The following PRRT1B variants were observed in gnomAD, a reference collection of about 807,000 sequenced individuals.
PRRT1B encodes the protein proline rich transmembrane protein 1B, also known as dispanin subfamily D member 2.
downstream of PRRT1B, among the ~76,000 whole-genome samples, chr9:131,559,032 A>G (rs1218159203): frequency 6.6e-6 from 1 of 152,212 alleles, no homozygotes; most frequent in East Asian, 1.9e-4. Context: ...GAGCACTTGC[A>G]CCAAGATCCC....
intron 1 of PRRT1B, among the ~76,000 whole-genome samples, chr9:131,546,663 A>T (rs962690044): frequency 4.7e-5 from 6 of 128,840 alleles, no homozygotes; most frequent in African/African-American, 1.8e-4. Flanking sequence ...ACCCTCAAGC[A>T]CTTGCCCAGC....
exon 4 of PRRT1B, chr9:131,558,322 T>G (rs1951063933): frequency 2.5e-6 from 1 of 398,664 alleles, no homozygotes; most frequent in Admixed American, 4.4e-5. Flanking sequence ...AGAGGGAATC[T>G]GGGGGCCAGA....
rs55766450 is a variant in PRRT1B, at chr9:131,551,302, G to A, written c.26-3255G>A. ...CAGGCCATCACCAATCATTCTATAC[G>A]ACAAATGCTCCTTCTAACAACCCCA... On this transcript the variant is annotated intron_variant, in intron 1 of 3. Coordinates refer to ENST00000636672, the Ensembl canonical transcript of PRRT1B. This position sits in a 1 kb window ranked among gnomAD's most constrained non-coding sequence, Gnocchi z 4.4. Among the ~76,000 whole-genome samples, 15,424 of 151,714 alleles carry A rather than the reference G, an allele frequency of 0.1. 1,095 individuals are homozygous for A. The highest frequency in any genetic ancestry group is 0.18 in the African/African-American group (7,376 of 41,308).
chr9:131,545,775 G>A (rs1950970159), intron 1 of PRRT1B, 135 bp downstream of exon 1: 3 of 402,620 alleles, frequency 7.5e-6, no homozygotes, highest in Admixed American at 8.9e-5. Context: ...TGGCGGAGCG[G>A]GTGCTGGAGG....
intron 1 of PRRT1B, among the ~76,000 whole-genome samples, chr9:131,554,332 G>T (rs1318882335): frequency 6.6e-6 from 1 of 152,166 alleles, no homozygotes; most frequent in African/African-American, 2.4e-5. Context: ...TGCGGGGAGG[G>T]GCGGGGTCAG....
At chr9:131,548,829 T>C (rs1278071893) in intron 1 of PRRT1B, among the ~76,000 whole-genome samples, 1 of 152,190 alleles carries the variant, frequency 6.6e-6, no homozygotes, top group Non-Finnish European at 1.5e-5. Flanking sequence ...CCGGTCTGGC[T>C]TACAGTTTAA....
exon 2 of PRRT1B, chr9:131,555,020 C>T (rs1951039401): frequency 2.5e-6 from 1 of 392,864 alleles, no homozygotes; most frequent in Admixed American, 4.5e-5. Context: ...CCGCCTTCCC[C>T]TTCCCCGTGG....
downstream of PRRT1B, among the ~76,000 whole-genome samples, chr9:131,559,538 C>T (rs534354702): frequency 2.8e-4 from 43 of 152,214 alleles, no homozygotes; most frequent in Admixed American, 8.5e-4. Context: ...TTCAGAGCAG[C>T]CTCGGTGTGC....
intron 1 of PRRT1B, among the ~76,000 whole-genome samples, chr9:131,550,262 T>C (rs1365670710): frequency 1.3e-5 from 2 of 152,164 alleles, no homozygotes; most frequent in Non-Finnish European, 2.9e-5. Flanking sequence ...GCCAAACCCA[T>C]ATACTCTCCT....
chr9:131,550,536 C>G (rs1043041843), intron 1 of PRRT1B, among the ~76,000 whole-genome samples: 1 of 152,198 alleles, frequency 6.6e-6, no homozygotes. Flanking sequence ...GTGCTCTCTC[C>G]CTGCTGATCG....
At chr9:131,545,568 CCGGGCCAGG>C (rs1401926667) in exon 1 of PRRT1B, 2 of 397,208 alleles carry the variant, frequency 5.0e-6, no homozygotes, top group African/African-American at 4.1e-5. Context: ...ACGGCAGGCG[CCGGGCCAGG>C]GAGCCGCGCA....
At chr9:131,547,297 C>T (rs1301799166) in intron 1 of PRRT1B, among the ~76,000 whole-genome samples, 1 of 152,058 alleles carries the variant, frequency 6.6e-6, no homozygotes, top group African/African-American at 2.4e-5. Context: ...CCTGCCTTAA[C>T]TGATGACATT....
exon 4 of PRRT1B, chr9:131,558,464 G>A (rs948930310): frequency 1.8e-5 from 6 of 332,226 alleles, no homozygotes; most frequent in Admixed American, 4.9e-5. Context: ...CCCAGCCGTG[G>A]GACAGGAGCC....
At chr9:131,547,694 G>A (rs996635413) in intron 1 of PRRT1B, among the ~76,000 whole-genome samples, 3 of 152,110 alleles carry the variant, frequency 2.0e-5, no homozygotes, top group African/African-American at 7.2e-5. Flanking sequence ...TCTTTGCTCC[G>A]TGAGAAAGAT....
intron 1 of PRRT1B, among the ~76,000 whole-genome samples, chr9:131,550,432 A>G (rs62580645): frequency 0.5 from 75,531 of 151,994 alleles, 19,068 homozygotes; most frequent in Admixed American, 0.55. Flanking sequence ...CTGTACTGCC[A>G]CAAGGCTTCA....
At chr9:131,557,330 G>A (rs1951057055) in intron 3 of PRRT1B, among the ~76,000 whole-genome samples, 1 of 152,146 alleles carries the variant, frequency 6.6e-6, no homozygotes, top group African/African-American at 2.4e-5. Context: ...CCTGAGGTCA[G>A]GAGTTCGAGA....
intron 1 of PRRT1B, among the ~76,000 whole-genome samples, chr9:131,552,324 T>G (rs1288948225): frequency 6.6e-6 from 1 of 152,190 alleles, no homozygotes; most frequent in East Asian, 1.9e-4. Context: ...TGGAGCATGG[T>G]TATAATGGCT....
At chr9:131,552,677 GTTTTT>G (rs60006538) in intron 1 of PRRT1B, among the ~76,000 whole-genome samples, 1 of 141,450 alleles carries the variant, frequency 7.1e-6, no homozygotes, top group African/African-American at 2.6e-5. Flanking sequence ...AACCTCTAAG[GTTTTT>G]TTTTTTTTGA....
intron 1 of PRRT1B, among the ~76,000 whole-genome samples, chr9:131,549,855 A>G (rs1401377985): frequency 6.6e-6 from 1 of 152,084 alleles, no homozygotes; most frequent in African/African-American, 2.4e-5. Flanking sequence ...AGACATTTTA[A>G]CCAAATTATC....
Sources: gnomAD v4.1 joint callset for allele counts (sites outside exome capture counted in the v4.1 genomes callset) on GRCh38, gnomAD v4.1.1 for gene constraint, Gnocchi (gnomAD v3.1) non-coding constraint, MANE v1.5 for transcripts, NCBI Gene and HGNC (gene_info 2026-07-23, HGNC 2026-07-21) for gene names.